DALRD3: variants seen among roughly 807,000 people sequenced by gnomAD.
DALRD3 encodes the protein DALR anticodon-binding domain-containing protein 3.
A neutral mutation model predicts 56.7 loss-of-function variants in DALRD3; 47 were observed. The observed-to-expected ratio is 0.83, with a 90% CI of 0.66 to 1.06. DALRD3 has a LOEUF of 1.06. DALRD3 is among the 50% of genes least tolerant of loss of function. The pLI, the probability that DALRD3 is intolerant of heterozygous loss-of-function variation, is 0.00. For missense variants in DALRD3, 787 were observed against 724.0 expected (o/e 1.09, Z -1.00); for synonymous variants, 347 against 308.5 (o/e 1.12, Z -1.31).
chr3:49,017,450 T>C lies in DALRD3; in HGVS notation c.782A>G (p.Asp261Gly). Residue 261 changes from aspartate (D) to glycine (G), a missense_variant, in exon 4 of 12, where the codon GAC (aspartate) becomes GGC (glycine). Asp to Gly is a moderately conservative substitution (Grantham distance 94). Coordinates refer to ENST00000341949, the MANE Select transcript of DALRD3 (RefSeq NM_001009996.3). ...GTCACTAACCAGGCCTGGGTGGCTG[T>C]CCTCGGGCCAATGCCATAGAGCCTC... ...LQEALWHWPE[D>G]SHPGLAGASD... 6.2e-7 allele frequency: 1 copy of C among 1,614,076 alleles called. No individual in the cohort carries two copies. Among genetic ancestry groups the C allele is most frequent in the Non-Finnish European group, 8.5e-7 (1 of 1,180,020 alleles).
At position 49,016,802 on chromosome 3, in the gene DALRD3, T is replaced by G. The variant is rs757953832; in HGVS notation, c.973A>C (p.Thr325Pro). Residue 325 changes from threonine to proline, a missense_variant, in exon 6 of 12, where the codon ACT (threonine) becomes CCT (proline). Coordinates refer to ENST00000341949, the MANE Select transcript of DALRD3 (RefSeq NM_001009996.3). ...GPVKVAGAPGTLMTAPEYYEF... is the reference protein window; with the variant it reads ...GPVKVAGAPGPLMTAPEYYEF... The stretch of plus-strand genomic sequence containing the variant: ...TAGTACTCAGGGGCAGTCATCAGAG[T>G]GCCAGGTGCACCAGCTACTTTCACA... The G allele has an allele frequency of 6.2e-7, 1 of 1,614,112 alleles. No homozygotes were observed. The highest frequency in any genetic ancestry group is 8.5e-7 in the Non-Finnish European group (1 of 1,180,004).
Position 49,016,788 on chromosome 3 carries a change from G to C in DALRD3, c.987C>G (p.Ala329=). 1 of 1,614,174 alleles carries C rather than the reference G, an allele frequency of 6.2e-7. No homozygotes were observed. Among genetic ancestry groups the C allele is most frequent in the South Asian group, 1.1e-5 (1 of 91,080 alleles). Reference sequence around the variant, plus strand: ...GCCTCACTCACTCGTAGTACTCAGGGGCAGTCATCAGAGTGCCAGGTGCAC... The same window carrying C: ...GCCTCACTCACTCGTAGTACTCAGGCGCAGTCATCAGAGTGCCAGGTGCAC... The part of the protein sequence containing the change: ...VAGAPGTLMT[A]PEYYEFRHTQ... Residue 329 remains alanine, a synonymous_variant, in exon 6 of 12, where the codon GCC becomes GCG. Coordinates refer to ENST00000341949, the MANE Select transcript of DALRD3 (RefSeq NM_001009996.3).
rs761752333 is a variant in DALRD3 at position 49,016,032 on chromosome 3, G to A, written c.1384C>T (p.Arg462Trp). The A allele has an allele frequency of 1.1e-5, 18 of 1,602,162 alleles. No homozygotes were observed. The highest frequency in any genetic ancestry group is 2.2e-5 in the East Asian group (1 of 44,706). Residue 462 changes from arginine to tryptophan, a missense_variant, in exon 10 of 12, where the codon CGG becomes TGG. Coordinates refer to ENST00000341949, the MANE Select transcript of DALRD3 (RefSeq NM_001009996.3). ...SILPFPDLLS[R>W]TAVLDCTAPG... The stretch of plus-strand genomic sequence containing the variant: ...GCTGTGCAGTCCAGCACTGCTGTCC[G>A]GCTCAGCAGATCCGGAAAGGGGAGG...
In DALRD3 at chr3:49,017,251, C is replaced by A. The variant is rs776878043; in HGVS notation, c.904G>T (p.Val302Phe). ...ACCTGTCTGAGTGGAGCCTTGTCAA[C>A]CAACTTCTGCCAAAGCAGGTCCAAC... The part of the protein sequence containing the change: ...QKLDLLWQKL[V>F]DKAPLRQKHL... Residue 302 changes from valine to phenylalanine, a missense_variant, in exon 5 of 12, where the codon GTT (valine) becomes TTT (phenylalanine). Coordinates refer to ENST00000341949, the MANE Select transcript of DALRD3 (RefSeq NM_001009996.3). 6.2e-7 allele frequency: 1 copy of A among 1,614,070 alleles called. No homozygotes were observed. Among genetic ancestry groups the A allele is most frequent in the Non-Finnish European group, 8.5e-7 (1 of 1,180,026 alleles).
Position 49,015,531 on chromosome 3 carries a change from CT to C in DALRD3, c.*56del, listed in dbSNP as rs746678490. On this transcript the variant is annotated 3_prime_UTR_variant, in exon 12 of 12. Coordinates refer to ENST00000341949, the MANE Select transcript of DALRD3 (RefSeq NM_001009996.3). ...AATTTATTTTGGCCGTGGGTTTTTG[CT>C]TTTTTTCCAGTTGATGACTTTGTGA... 1.3e-5 allele frequency: 20 copies of C among 1,598,932 alleles called. No individual in the cohort carries two copies. Among genetic ancestry groups the C allele is most frequent in the Admixed American group, 1.7e-5 (1 of 57,234 alleles).
In DALRD3 at chr3:49,017,595, C is replaced by A; in HGVS notation, c.718+18G>T. On this transcript the variant is annotated intron_variant, in intron 3 of 11. Transcript: ENST00000341949. ...CCCCCTCCTGCCTTTTCTGGCCCTGCTAGGCTTCAGGTCCTACCCAGACAG... is the reference window on the plus strand; with the variant it reads ...CCCCCTCCTGCCTTTTCTGGCCCTGATAGGCTTCAGGTCCTACCCAGACAG... The A allele has an allele frequency of 6.2e-7, 1 of 1,613,988 alleles. No individual in the cohort carries two copies. The highest frequency in any genetic ancestry group is 8.5e-7 in the Non-Finnish European group (1 of 1,179,888).
upstream of DALRD3, chr3:49,020,044 A>T: frequency 2.0e-6 from 1 of 498,406 alleles, no homozygotes; most frequent in Non-Finnish European, 4.1e-6. Context: ...AAGCTAACTC[A>T]GTAGAGAGAG....
Position 49,015,852 on chromosome 3 carries a change from C to T in DALRD3, c.1464G>A (p.Gln488=). 2 of 1,614,194 alleles carry T rather than the reference C, an allele frequency of 1.2e-6. No homozygotes were observed. The highest frequency in any genetic ancestry group is 2.2e-5 in the East Asian group (1 of 44,886). ...AGTAGGAGCTGAAATCCATGCTGAGCTGTACCAGGAACTTGCATATCTAGA... is the reference window on the plus strand; with the variant it reads ...AGTAGGAGCTGAAATCCATGCTGAGTTGTACCAGGAACTTGCATATCTAGA... ...RTEMICKFLV[Q]LSMDFSSYYN... The change falls in exon 11 of 12, where the codon CAG becomes CAA. Residue 488 remains glutamine, a synonymous_variant. Coordinates refer to ENST00000341949, the MANE Select transcript of DALRD3 (RefSeq NM_001009996.3).
chr3:49,020,942 C>G (rs540146811), upstream of DALRD3: 3 of 180,132 alleles, frequency 1.7e-5, 1 homozygote, highest in African/African-American at 7.1e-5. Context: ...CCCTGTTGGT[C>G]CCACGAAGCC....
At chr3:49,018,840 C>T (rs1361958844), upstream of DALRD3, 2 of 985,330 alleles carry the variant, frequency 2.0e-6, no homozygotes, top group African/African-American at 1.7e-5. Flanking sequence ...AAAGGATCCT[C>T]GCGACCCGGT....
chr3:49,020,828 A>C (rs907920495), upstream of DALRD3: 5 of 363,160 alleles, frequency 1.4e-5, no homozygotes, highest in African/African-American at 1.1e-4. Context: ...CGGAGTCTAG[A>C]GGGAACAAGA....
chr3:49,019,537 T>C (rs1305983058), upstream of DALRD3, among the ~76,000 whole-genome samples: 1 of 150,846 alleles, frequency 6.6e-6, no homozygotes, highest in Non-Finnish European at 1.5e-5. Context: ...TGGAGTACAG[T>C]GGTGTGATCT....
chr3:49,019,474 C>T (rs2093132872), upstream of DALRD3, among the ~76,000 whole-genome samples: 1 of 150,984 alleles, frequency 6.6e-6, no homozygotes, highest in South Asian at 2.1e-4. Context: ...TCCAGAATTA[C>T]CAGACTTTTT....
chr3:49,020,294 A>C (rs886831734), upstream of DALRD3: 12 of 511,164 alleles, frequency 2.3e-5, no homozygotes, highest in South Asian at 1.7e-4. Flanking sequence ...CCCTCAGTCA[A>C]ACTGAGGACT....
rs781227318 is a variant in DALRD3 at position 49,017,838 on chromosome 3, C to T, written c.493G>A (p.Asp165Asn). Reference sequence around the variant, plus strand: ...TGCAGGAAGGTCAGCATGTGCGGATCCCGCACAGCTGGCACTAGGCGCACG... The same window carrying T: ...TGCAGGAAGGTCAGCATGTGCGGATTCCGCACAGCTGGCACTAGGCGCACG... ...VCVRLVPAVRDPHMLTFLQQL... is the reference protein window; with the variant it reads ...VCVRLVPAVRNPHMLTFLQQL... Residue 165 changes from aspartate to asparagine, a missense_variant, in exon 3 of 12, where the codon GAT becomes AAT. By Grantham distance (23) the Asp-to-Asn change is conservative (BLOSUM62 1). Coordinates refer to ENST00000341949, the MANE Select transcript of DALRD3 (RefSeq NM_001009996.3). 6.2e-7 allele frequency: 1 copy of T among 1,607,726 alleles called. No homozygotes were observed. The highest frequency in any genetic ancestry group is 8.5e-7 in the Non-Finnish European group (1 of 1,179,764).
At position 49,017,864 on chromosome 3, in the gene DALRD3, C is replaced by G; in HGVS notation, c.467G>C (p.Cys156Ser). ...LARALRAHGV[C>S]VRLVPAVRDP... ...CCGCACAGCTGGCACTAGGCGCACG[C>G]ACACCCTGCGAAGGGAGGGCGGCCG... The change falls in exon 3 of 12, where the codon TGC (cysteine) becomes TCC (serine). Residue 156 changes from cysteine (C) to serine (S), a missense_variant. By Grantham distance (112) the Cys-to-Ser change is moderately radical. Coordinates refer to ENST00000341949, the MANE Select transcript of DALRD3 (RefSeq NM_001009996.3). 1 of 1,597,580 alleles carries G rather than the reference C, an allele frequency of 6.3e-7. No homozygotes were observed. The highest frequency in any genetic ancestry group is 8.5e-7 in the Non-Finnish European group (1 of 1,177,926).
Position 49,017,742 on chromosome 3 carries a change from C to G in DALRD3, c.589G>C (p.Glu197Gln). 6.2e-7 allele frequency: 1 copy of G among 1,614,060 alleles called. No individual in the cohort carries two copies. Among genetic ancestry groups the G allele is most frequent in the Admixed American group, 1.7e-5 (1 of 60,024 alleles). The change falls in exon 3 of 12, where the codon GAA becomes CAA. Residue 197 changes from glutamate (E) to glutamine (Q), a missense_variant. By Grantham distance (29) the Glu-to-Gln change is conservative. Coordinates refer to ENST00000341949, the MANE Select transcript of DALRD3 (RefSeq NM_001009996.3). ...SSHTLRSHAL[E>Q]ELTSANDGRT... Reference sequence around the variant, plus strand: ...CCGTCATTAGCAGAGGTAAGTTCTTCAAGGGCGTGGCTCCTCAGGGTGTGG... The same window carrying G: ...CCGTCATTAGCAGAGGTAAGTTCTTGAAGGGCGTGGCTCCTCAGGGTGTGG...
At position 49,018,107 on chromosome 3, in the gene DALRD3, CGCAGTGCTGG is replaced by C; in HGVS notation, c.367_376del (p.Pro123AlafsTer9). The C allele has an allele frequency of 1.4e-5, 21 of 1,483,688 alleles. No homozygotes were observed. Among genetic ancestry groups the C allele is most frequent in the Non-Finnish European group, 1.7e-5 (19 of 1,125,750 alleles). The allele number at this position is 1,483,688 out of a possible 1,614,324, so 91.9% of individuals were successfully genotyped here. ...CAAGCGGAGTGCGCAGGGGGAGCTG[CGCAGTGCTGG>C]GCAGTGTAGTAAGACGCGCTGGCCC... On this transcript the variant is annotated frameshift_variant, in exon 2 of 12. Coordinates refer to ENST00000341949, the MANE Select transcript of DALRD3 (RefSeq NM_001009996.3). LOFTEE classifies it high-confidence loss of function.
intron 7 of DALRD3, 36 bp from the exon 8 acceptor site, chr3:49,016,547 G>T (rs370665532): frequency 7.7e-5 from 124 of 1,606,084 alleles, no homozygotes; most frequent in Non-Finnish European, 9.8e-5. Context: ...CAGTCTGCAG[G>T]CAAGGGCAGG....
Sources: allele counts gnomAD v4.1 joint callset (sites outside exome capture counted in the v4.1 genomes callset), GRCh38; gene constraint gnomAD v4.1.1; transcripts MANE v1.5; gene names NCBI Gene and HGNC (gene_info 2026-07-23, HGNC 2026-07-21).